The following GRID2 variants were observed in gnomAD, a reference collection of about 807,000 sequenced individuals.
The protein encoded by GRID2 is glutamate ionotropic receptor delta type subunit 2.
GRID2 carries 33 observed loss-of-function variants against 114.8 expected under a neutral mutation model. The ratio of observed to expected loss-of-function variants is 0.29; its 90% CI spans 0.22 to 0.38. The LOEUF (loss-of-function observed/expected upper bound fraction) is 0.38. Ranked by LOEUF, GRID2 falls within the 10% of genes least tolerant of loss-of-function variation. The pLI is 1.00. For synonymous variants in GRID2, 505 were observed against 449.9 expected (o/e 1.12, Z -1.55); for missense variants, 1,184 against 1,257.7 (o/e 0.94, Z 0.89).
intron 2 of GRID2, among the ~76,000 whole-genome samples, chr4:92,781,400 C>T (rs1739066767): frequency 6.6e-6 from 1 of 152,014 alleles, no homozygotes; most frequent in South Asian, 2.1e-4. Context: ...TCAAACTTAC[C>T]TATTTGGAAT....
At chr4:93,006,370 G>A (rs1042694377) in intron 2 of GRID2, among the ~76,000 whole-genome samples, 3 of 151,912 alleles carry the variant, frequency 2.0e-5, no homozygotes, top group African/African-American at 7.2e-5. Context: ...CCACAAATGA[G>A]AATCCCATAG....
At chr4:93,361,483 A>T (rs1761874381) in intron 8 of GRID2, among the ~76,000 whole-genome samples, 1 of 150,010 alleles carries the variant, frequency 6.7e-6, no homozygotes, top group Non-Finnish European at 1.5e-5. Flanking sequence ...TATTATTATT[A>T]TTATTATTAT....
At chr4:93,661,614 G>A (rs1025916378) in intron 14 of GRID2, among the ~76,000 whole-genome samples, 2 of 152,020 alleles carry the variant, frequency 1.3e-5, no homozygotes, top group African/African-American at 2.4e-5. Flanking sequence ...ACAAGTTTAC[G>A]GGTTAATCTG....
chr4:92,715,191 T>G (rs1452524796), intron 2 of GRID2, among the ~76,000 whole-genome samples: 1 of 152,178 alleles, frequency 6.6e-6, no homozygotes, highest in African/African-American at 2.4e-5. Flanking sequence ...AGGGGCAAAA[T>G]GCCATCAGTC....
chr4:93,171,110 T>A (rs1296264492), intron 4 of GRID2, among the ~76,000 whole-genome samples: 18 of 152,216 alleles, frequency 1.2e-4, no homozygotes, highest in Non-Finnish European at 1.5e-5. Context: ...ATCTCACTTG[T>A]AGTAAAATAA....
intron 2 of GRID2, among the ~76,000 whole-genome samples, chr4:92,953,251 A>T (rs865916276): frequency 2.0e-5 from 3 of 152,176 alleles, no homozygotes; most frequent in Non-Finnish European, 4.4e-5. Context: ...ACATTGAGTA[A>T]TAGCAGGTAA....
intron 14 of GRID2, among the ~76,000 whole-genome samples, chr4:93,654,082 T>G (rs1485811909): frequency 6.6e-6 from 1 of 152,208 alleles, no homozygotes; most frequent in Non-Finnish European, 1.5e-5. Context: ...GGACTTATTG[T>G]AGCCCAGATG....
At chr4:93,633,254 T>C (rs937677085) in intron 14 of GRID2, among the ~76,000 whole-genome samples, 1 of 151,914 alleles carries the variant, frequency 6.6e-6, no homozygotes, top group African/African-American at 2.4e-5. Flanking sequence ...ATTATAACTA[T>C]AAGAATTTTT....
At chr4:93,666,803 C>T (rs563620723) in intron 14 of GRID2, among the ~76,000 whole-genome samples, 135 of 152,064 alleles carry the variant, frequency 8.9e-4, no homozygotes, top group African/African-American at 2.9e-3. Context: ...AACAACAGTT[C>T]CCAGAATCTT....
At chr4:93,015,557 A>G (rs1722599609) in intron 2 of GRID2, among the ~76,000 whole-genome samples, 1 of 152,222 alleles carries the variant, frequency 6.6e-6, no homozygotes, top group African/African-American at 2.4e-5. Context: ...AGTGCTCAAC[A>G]CATAGGAAAT....
At chr4:93,140,139 T>G (rs1735624861) in intron 4 of GRID2, among the ~76,000 whole-genome samples, 1 of 150,196 alleles carries the variant, frequency 6.7e-6, no homozygotes, top group Admixed American at 6.7e-5. Context: ...GGAAACCATA[T>G]CATTTTCTTT....
intron 13 of GRID2, among the ~76,000 whole-genome samples, chr4:93,541,904 A>T (rs1421790680): frequency 6.6e-6 from 1 of 152,176 alleles, no homozygotes; most frequent in African/African-American, 2.4e-5. Flanking sequence ...GCAAAGATGT[A>T]TGGACAATAA....
intron 4 of GRID2, among the ~76,000 whole-genome samples, chr4:93,144,362 G>A (rs1042884763): frequency 6.6e-6 from 1 of 152,188 alleles, no homozygotes; most frequent in Non-Finnish European, 1.5e-5. Flanking sequence ...GCTCAAAGAG[G>A]TTAGACAAAT....
chr4:92,957,519 C>G (rs1387908273), intron 2 of GRID2, among the ~76,000 whole-genome samples: 1 of 151,942 alleles, frequency 6.6e-6, no homozygotes, highest in Non-Finnish European at 1.5e-5. Flanking sequence ...TTTGTCTGTT[C>G]TCTTACCAAT....
At chr4:93,611,828 G>C (rs1446381519) in intron 13 of GRID2, among the ~76,000 whole-genome samples, 2 of 151,610 alleles carry the variant, frequency 1.3e-5, no homozygotes, top group East Asian at 1.9e-4. Flanking sequence ...ATGTCTATTA[G>C]GTCCCCCTGG....
chr4:92,642,792 T>C (rs1468028934), intron 2 of GRID2, among the ~76,000 whole-genome samples: 1 of 151,792 alleles, frequency 6.6e-6, no homozygotes, highest in African/African-American at 2.4e-5. Flanking sequence ...TAGTGTGAGG[T>C]CTTCCACTTA....
intron 2 of GRID2, among the ~76,000 whole-genome samples, chr4:92,671,452 T>A (rs1733068139): frequency 6.6e-6 from 1 of 152,080 alleles, no homozygotes; most frequent in African/African-American, 2.4e-5. Flanking sequence ...TCATATTATA[T>A]GGGAAACTAC....
intron 13 of GRID2, among the ~76,000 whole-genome samples, chr4:93,589,055 TTTA>T (rs543728508): frequency 6.6e-6 from 1 of 151,864 alleles, no homozygotes; most frequent in African/African-American, 2.4e-5. Context: ...ATTTATTTAT[TTTA>T]TTATTATTAT....
intron 2 of GRID2, among the ~76,000 whole-genome samples, chr4:92,762,143 G>A (rs1343673053): frequency 6.6e-6 from 1 of 151,994 alleles, no homozygotes; most frequent in African/African-American, 2.4e-5. Context: ...TCCATCTCCT[G>A]AACTCATGAT....
Sources: allele counts gnomAD v4.1 joint callset (sites outside exome capture counted in the v4.1 genomes callset), GRCh38; gene constraint gnomAD v4.1.1; transcripts MANE v1.5; gene names NCBI Gene and HGNC (gene_info 2026-07-23, HGNC 2026-07-21).